Variants in CFAP43 observed in about 807,000 individuals in gnomAD.
CFAP43 encodes cilia- and flagella-associated protein 43.
CFAP43 carries 155 observed loss-of-function variants against 218.9 expected under a neutral mutation model. The ratio of observed to expected loss-of-function variants is 0.71; its 90% CI spans 0.62 to 0.81. CFAP43 has a LOEUF of 0.81. Ranked by LOEUF, CFAP43 falls within the 30% of genes least tolerant of loss-of-function variation. The probability of loss-of-function intolerance (pLI) is 0.00; values close to 1 mark genes in which losing one functional copy is unlikely to be tolerated. For synonymous variants in CFAP43, 645 were observed against 681.3 expected, an observed-to-expected ratio of 0.95 and a Z score of 0.83; for missense variants, 1,778 against 1,954.3, an observed-to-expected ratio of 0.91 and a Z score of 1.70.
At chr10:104,143,999 C>T (rs2087829735) in intron 31 of CFAP43, among the ~76,000 whole-genome samples, 1 of 152,206 alleles carries the variant, frequency 6.6e-6, no homozygotes, top group Non-Finnish European at 1.5e-5. Context: ...TGGTGAGCCA[C>T]CACCTGGCCA....
rs370281201 is a variant in CFAP43 at position 104,130,135 on chromosome 10, G to A, written c.*4C>T. 9 of 1,567,558 alleles carry A rather than the reference G, an allele frequency of 5.7e-6. No individual in the cohort carries two copies. The highest frequency in any genetic ancestry group is 4.2e-5 in the African/African-American group (3 of 72,184). ...TTTGGCCTTGTGTTTTCCTGCCAGC[G>A]TTTTTACATTTGAACAAGAGCAGGA... On this transcript the variant is annotated 3_prime_UTR_variant, in exon 38 of 38. Transcript: ENST00000357060.
At chr10:104,212,879 C>G (rs2090906469) in intron 4 of CFAP43, among the ~76,000 whole-genome samples, 1 of 152,166 alleles carries the variant, frequency 6.6e-6, no homozygotes, top group Non-Finnish European at 1.5e-5. Flanking sequence ...GCACCTACTA[C>G]TCAAATGTAA....
chr10:104,167,684 A>T lies in CFAP43; in HGVS notation c.2745T>A (p.Val915=). 6.2e-7 allele frequency: 1 copy of T among 1,612,640 alleles called. No homozygotes were observed. Among genetic ancestry groups the T allele is most frequent in the Non-Finnish European group, 8.5e-7 (1 of 1,179,634 alleles). ...CTCTTTCCAATTCTTTCAGCTCTTC[A>T]ACCGTGCGCGCTTTCATCGGGAAGT... The part of the protein sequence containing the change: ...VENFPMKART[V]EELKELERVL... The change falls in exon 22 of 38, where the codon GTT becomes GTA. Residue 915 remains valine (V), a synonymous_variant. Transcript: ENST00000357060.
chr10:104,192,151 T>G (rs756455822), intron 12 of CFAP43, 48 bp downstream of exon 12: 21 of 1,375,632 alleles, frequency 1.5e-5, no homozygotes, highest in Admixed American at 2.1e-5. Flanking sequence ...AACCTTAAAT[T>G]CTTTGAAATA....
At position 104,187,237 on chromosome 10, in the gene CFAP43, G is replaced by T. The variant is rs2090059192; in HGVS notation, c.1860+83C>A. 3.4e-6 allele frequency: 4 copies of T among 1,171,194 alleles called. No homozygotes were observed. The African/African-American group carries it at 6.4e-5, about 19-fold the overall frequency. The allele number at this position is 1,171,194 out of a possible 1,614,324, so 72.6% of individuals were successfully genotyped here. ...TTAACTGAACTATTCTGTTAAAGTG[G>T]TCAAGAGGATCACATCTAATCAGTA... On this transcript the variant is annotated intron_variant, in intron 14 of 37. Coordinates refer to ENST00000357060, the MANE Select transcript of CFAP43 (RefSeq NM_025145.7).
chr10:104,179,835 A>G lies in CFAP43; in HGVS notation c.2382+5T>C, dbSNP rs753680229. On this transcript the variant is annotated splice_donor_5th_base_variant and intron_variant, in intron 18 of 37. Coordinates refer to ENST00000357060, the MANE Select transcript of CFAP43 (RefSeq NM_025145.7). ...TTTCAAACCTACCCCATGTTTCACA[A>G]ATACCTCTTGGCTTTTTTGTTGTAT... 4.3e-6 allele frequency: 7 copies of G among 1,610,744 alleles called. No individual in the cohort carries two copies. In the South Asian group the frequency reaches 7.7e-5, roughly 18 times the overall value.
intron 29 of CFAP43, among the ~76,000 whole-genome samples, chr10:104,146,933 T>A (rs1251404474): frequency 6.6e-6 from 1 of 152,136 alleles, no homozygotes; most frequent in Non-Finnish European, 1.5e-5. Flanking sequence ...AGCTTCCTCA[T>A]GCCAACAACT....
chr10:104,132,270 G>C (rs1049798824), intron 35 of CFAP43, 74 bp from the exon 36 acceptor site: 2 of 1,117,112 alleles, frequency 1.8e-6, no homozygotes, highest in African/African-American at 3.2e-5. Flanking sequence ...GGTTGTTTTA[G>C]CTTTGAAAGT....
chr10:104,191,199 C>T (rs1465154250), intron 12 of CFAP43, among the ~76,000 whole-genome samples: 1 of 152,202 alleles, frequency 6.6e-6, no homozygotes, highest in Non-Finnish European at 1.5e-5. Context: ...ATGCCAGCTC[C>T]ATCTTGAAAC....
At chr10:104,162,650 G>T (rs1205786716) in intron 24 of CFAP43, among the ~76,000 whole-genome samples, 1 of 151,962 alleles carries the variant, frequency 6.6e-6, no homozygotes, top group Non-Finnish European at 1.5e-5. Context: ...CAGGGAACCT[G>T]ATAGATTAAG....
intron 27 of CFAP43, 47 bp downstream of exon 27, chr10:104,160,990 C>A: frequency 6.5e-7 from 1 of 1,533,676 alleles, no homozygotes. Flanking sequence ...GATATTTAAA[C>A]AGCACTCTGG....
intron 21 of CFAP43, 75 bp from the exon 22 acceptor site, chr10:104,167,812 T>A (rs1020864613): frequency 9.5e-7 from 1 of 1,053,148 alleles, no homozygotes; most frequent in Admixed American, 2.5e-5. Flanking sequence ...GAGTAGGGGA[T>A]GTTTTCTGTG....
intron 32 of CFAP43, 78 bp downstream of exon 32, chr10:104,143,348 T>C (rs2087795794): frequency 7.1e-6 from 9 of 1,270,376 alleles, no homozygotes; most frequent in Non-Finnish European, 9.7e-6. Flanking sequence ...ATTAGCTTTT[T>C]TGGTTACACT....
rs373857655 is a variant in CFAP43 at position 104,192,189 on chromosome 10, T to C, written c.1546+10A>G. On this transcript the variant is annotated intron_variant, in intron 12 of 37. Coordinates refer to ENST00000357060, the MANE Select transcript of CFAP43 (RefSeq NM_025145.7). The stretch of plus-strand genomic sequence containing the variant: ...CAATATTTTAAATTAATCAGCATTC[T>C]ATGTTGTACCTGTGAATCCAATAAT... 13 of 1,579,492 alleles carry C rather than the reference T, an allele frequency of 8.2e-6. No individual in the cohort carries two copies. The highest frequency in any genetic ancestry group is 9.5e-6 in the Non-Finnish European group (11 of 1,155,180).
chr10:104,207,963 T>G, intron 5 of CFAP43, 139 bp from the exon 6 acceptor site: 1 of 778,042 alleles, frequency 1.3e-6, no homozygotes, highest in Non-Finnish European at 1.9e-6. Context: ...TGAGCATTCA[T>G]CATAATAATT....
chr10:104,139,676 T>G (rs763333226), intron 34 of CFAP43, among the ~76,000 whole-genome samples: 1 of 152,066 alleles, frequency 6.6e-6, no homozygotes, highest in Non-Finnish European at 1.5e-5. Flanking sequence ...CTTTTTCAGA[T>G]AAAGAAAAAT....
At chr10:104,176,062 A>AT (rs943101888) in intron 19 of CFAP43, among the ~76,000 whole-genome samples, 6 of 152,056 alleles carry the variant, frequency 3.9e-5, no homozygotes, top group Non-Finnish European at 7.4e-5. Flanking sequence ...AAAAAGGCCA[A>AT]TTTTTTTTAA....
chr10:104,161,934 T>G, intron 26 of CFAP43, 27 bp downstream of exon 26: 1 of 1,601,574 alleles, frequency 6.2e-7, no homozygotes, highest in Non-Finnish European at 8.5e-7. Context: ...CCATTCCACC[T>G]TCTATAAGGA....
chr10:104,204,711 G>A (rs1443024543), intron 7 of CFAP43, among the ~76,000 whole-genome samples: 3 of 152,190 alleles, frequency 2.0e-5, no homozygotes, highest in African/African-American at 7.2e-5. Context: ...GGAGCTAAGT[G>A]TAGGTGTATG....
Sources: allele counts gnomAD v4.1 joint callset (sites outside exome capture counted in the v4.1 genomes callset), GRCh38; gene constraint gnomAD v4.1.1; transcripts MANE v1.5; gene names NCBI Gene and HGNC (gene_info 2026-07-23, HGNC 2026-07-21).